The following SNX24 variants were observed in gnomAD, a reference collection of about 807,000 sequenced individuals.
The protein encoded by SNX24 is sorting nexin-24.
A neutral mutation model predicts 28.7 loss-of-function variants in SNX24; 22 were observed. The observed-to-expected ratio is 0.77, with a 90% confidence interval of 0.55 to 1.10. SNX24 has a LOEUF of 1.10. Ranked by LOEUF, SNX24 falls within the 50% of genes least tolerant of loss-of-function variation. The pLI is 0.00. For missense variants in SNX24, 221 were observed against 201.1 expected (o/e 1.10, Z -0.60); for synonymous variants, 69 against 71.5 (o/e 0.96, Z 0.18).
rs1422166307 is a variant in SNX24 at position 123,024,108 on chromosome 5, A to AGGCT, written n.384-5128_384-5127insCTGG. ...CAAAAGCCCAAGTGGGAAGGAAATA[A>AGGCT]GGTTGGTTGGTTGGTTGGTTTTTTA... is the stretch of plus-strand genomic sequence containing the variant. On this transcript the variant is annotated intron_variant and non_coding_transcript_variant, in intron 5 of 5. Transcript: ENST00000502387. 1.9e-5 allele frequency: 27 copies of AGGCT among 1,418,836 alleles called. No homozygotes were observed. The East Asian group carries it at 6.2e-4, about 32-fold the overall frequency. The allele number at this position is 1,418,836 out of a possible 1,614,324, so 87.9% of individuals were successfully genotyped here. A position where few individuals can be genotyped will look rare whatever the true frequency, so the allele number is the denominator to read the frequency against.
At position 122,861,565 on chromosome 5, in the gene SNX24, A is replaced by G. The variant is rs191807845; in HGVS notation, c.60+15872A>G. On this transcript the variant is annotated intron_variant, in intron 1 of 6. Transcript: ENST00000261369. ...AAAACTCTCAGAGGATTTTTTTTTT[A>G]ACCTTCCTGGAAACTTTAGAAGGAG... Among the ~76,000 whole-genome samples the G allele has an allele frequency of 7.2e-5, 11 of 152,050 alleles. No homozygotes were observed. The East Asian group carries it at 2.1e-3, about 29-fold the overall frequency.
intron 3 of SNX24, among the ~76,000 whole-genome samples, chr5:122,953,109 T>G (rs370196): frequency 6.6e-6 from 1 of 151,036 alleles, no homozygotes; most frequent in African/African-American, 2.5e-5. Flanking sequence ...TCCTTTCCTT[T>G]CTTTTTTTTT....
At chr5:122,972,630 T>G (rs1043698419) in intron 3 of SNX24, among the ~76,000 whole-genome samples, 1 of 152,178 alleles carries the variant, frequency 6.6e-6, no homozygotes, top group Admixed American at 6.5e-5. Flanking sequence ...TCAGAGGCAG[T>G]GCTGTGTGAA....
At chr5:122,906,969 A>G (rs1298479836) in intron 1 of SNX24, among the ~76,000 whole-genome samples, 2 of 152,202 alleles carry the variant, frequency 1.3e-5, no homozygotes, top group African/African-American at 4.8e-5. Context: ...GGGTTTGGCT[A>G]CAGGCCACCA....
chr5:122,881,410 T>C (rs1756475240), intron 1 of SNX24, among the ~76,000 whole-genome samples: 1 of 152,212 alleles, frequency 6.6e-6, no homozygotes. Flanking sequence ...AAATGTGGTA[T>C]GGATCAGCAG....
chr5:122,925,133 C>T (rs1256267223), intron 1 of SNX24, among the ~76,000 whole-genome samples: 1 of 126,592 alleles, frequency 7.9e-6, no homozygotes, highest in African/African-American at 3.1e-5. Context: ...TCCCCCTTCT[C>T]CATTCTTACC....
intron 5 of SNX24, among the ~76,000 whole-genome samples, chr5:123,017,112 C>T (rs550420436): frequency 1.3e-5 from 2 of 152,062 alleles, no homozygotes; most frequent in South Asian, 2.1e-4. Flanking sequence ...TCAGTCAATA[C>T]ATCATACTGC....
At chr5:122,865,210 A>G (rs1273358303) in intron 1 of SNX24, among the ~76,000 whole-genome samples, 1 of 152,276 alleles carries the variant, frequency 6.6e-6, no homozygotes, top group Non-Finnish European at 1.5e-5. Context: ...ACATAAAATT[A>G]AGCATGAAAA....
intron 3 of SNX24, among the ~76,000 whole-genome samples, chr5:122,948,406 G>A (rs1324957897): frequency 6.6e-6 from 1 of 152,150 alleles, no homozygotes; most frequent in Non-Finnish European, 1.5e-5. Context: ...GTCTTGGTAA[G>A]GGCCAGTAGT....
At chr5:123,012,607 C>A (rs1408281222), downstream of SNX24, among the ~76,000 whole-genome samples, 1 of 152,130 alleles carries the variant, frequency 6.6e-6, no homozygotes, top group East Asian at 1.9e-4. Context: ...ATGTAATGTA[C>A]TTAATGCCAT....
chr5:123,008,174 C>T lies in SNX24; in HGVS notation c.*425C>T. 1 of 988,230 alleles carries T rather than the reference C, an allele frequency of 1.0e-6. No homozygotes were observed. Among genetic ancestry groups the T allele is most frequent in the Non-Finnish European group, 1.2e-6 (1 of 832,094 alleles). 61.2% of individuals were successfully genotyped at this position (988,230 alleles called of 1,614,324 possible). A position where few individuals can be genotyped will look rare whatever the true frequency, so the allele number is the denominator to read the frequency against. On this transcript the variant is annotated 3_prime_UTR_variant, in exon 7 of 7. Coordinates refer to ENST00000261369, the MANE Select transcript of SNX24 (RefSeq NM_014035.4). ...AGATCTTATGACACACTACTCTTCT[C>T]ACCGTGAGATTTTCTCAGCCAGTGA...
intron 1 of SNX24, among the ~76,000 whole-genome samples, chr5:122,880,026 G>A (rs1413972690): frequency 6.6e-6 from 1 of 152,120 alleles, no homozygotes; most frequent in East Asian, 1.9e-4. Flanking sequence ...TTAAGGACCA[G>A]GACTCGTTTA....
At chr5:122,909,894 C>T (rs1170489596) in intron 1 of SNX24, among the ~76,000 whole-genome samples, 1 of 152,170 alleles carries the variant, frequency 6.6e-6, no homozygotes, top group Non-Finnish European at 1.5e-5. Flanking sequence ...GATTACATTT[C>T]ACTGGTGTGG....
At chr5:122,885,305 T>C (rs557687477) in intron 1 of SNX24, among the ~76,000 whole-genome samples, 1 of 152,210 alleles carries the variant, frequency 6.6e-6, no homozygotes, top group East Asian at 1.9e-4. Flanking sequence ...CAGAAACCTG[T>C]TGCCCACAGC....
Position 122,845,850 on chromosome 5 carries a change from T to C in SNX24, c.60+157T>C, listed in dbSNP as rs2303047. 7.0e-3 allele frequency among the ~76,000 whole-genome samples: 985 copies of C among 140,676 alleles called. 7 individuals carry two copies. Among genetic ancestry groups the C allele is most frequent in the East Asian group, 0.069 (288 of 4,152 alleles). The allele number at this position is 140,676 out of a possible 152,430, so 92.3% of individuals were successfully genotyped here. On this transcript the variant is annotated intron_variant, in intron 1 of 6. Coordinates refer to ENST00000261369, the MANE Select transcript of SNX24 (RefSeq NM_014035.4). The stretch of plus-strand genomic sequence containing the variant: ...AGGAAGGGCTGCGCCCTTGGCGCGG[T>C]TGTCAAGGAAACGGGCGCCCCTCCC...
rs113280700 is a variant in SNX24 at position 123,008,469 on chromosome 5, G to A, written c.*720G>A. ...GAAACCTGTACATCCACAACAAGTA[G>A]CTTTTCCTCCTATGTTGGAAAAAAA... On this transcript the variant is annotated 3_prime_UTR_variant, in exon 7 of 7. Transcript: ENST00000261369. The A allele has an allele frequency of 3.7e-3, 656 of 178,466 alleles. 7 individuals are homozygous for A. The highest frequency in any genetic ancestry group is 0.015 in the African/African-American group (624 of 41,532). 11.1% of individuals were successfully genotyped at this position (178,466 alleles called of 1,614,324 possible). A position where few individuals can be genotyped will look rare whatever the true frequency, so the allele number is the denominator to read the frequency against.
intron 1 of SNX24, among the ~76,000 whole-genome samples, chr5:122,860,357 A>G (rs533895273): frequency 4.1e-4 from 62 of 152,332 alleles, no homozygotes; most frequent in Admixed American, 1.3e-4. Context: ...CATAATTAAC[A>G]TAAGACATAG....
intron 3 of SNX24, among the ~76,000 whole-genome samples, chr5:122,996,712 T>G (rs1762063728): frequency 6.6e-6 from 1 of 152,152 alleles, no homozygotes; most frequent in African/African-American, 2.4e-5. Context: ...CAAACTCAGG[T>G]CTTCCTGAAA....
intron 1 of SNX24, among the ~76,000 whole-genome samples, chr5:122,893,209 T>G (rs1757054425): frequency 6.6e-6 from 1 of 151,704 alleles, no homozygotes; most frequent in Admixed American, 6.6e-5. Context: ...CATCATTCTT[T>G]TAATGCCCAA....
Sources: allele counts gnomAD v4.1 joint callset (sites outside exome capture counted in the v4.1 genomes callset), GRCh38; gene constraint gnomAD v4.1.1; transcripts MANE v1.5; gene names NCBI Gene and HGNC (gene_info 2026-07-23, HGNC 2026-07-21).